CFAP69: variants seen among roughly 807,000 people sequenced by gnomAD.
The protein encoded by CFAP69 is cilia and flagella associated protein 69.
In CFAP69, 92 loss-of-function variants were observed where a neutral mutation model predicts 123.0. That is an observed-to-expected ratio of 0.75 (90% CI 0.63 to 0.89). The LOEUF is 0.89. CFAP69 is among the 40% of genes least tolerant of loss of function. The pLI is 0.00. For missense variants in CFAP69, 1,067 were observed against 1,096.9 expected (o/e 0.97, Z 0.39); for synonymous variants, 380 against 364.3 (o/e 1.04, Z -0.49).
At position 90,304,776 on chromosome 7, in the gene CFAP69, G is replaced by T. The variant is rs761752224; in HGVS notation, c.2221G>T (p.Asp741Tyr). 3 of 1,589,410 alleles carry T rather than the reference G, an allele frequency of 1.9e-6. No individual in the cohort carries two copies. In the South Asian group the frequency reaches 3.4e-5, roughly 18 times the overall value. ...AAATTTACCTGGCCTATCTGCTGAA[G>T]ATTTTGTCACCCTTTGTATCATACA... ...FENLPGLSAEDFVTLCIIHRY... is the reference protein window; with the variant it reads ...FENLPGLSAEYFVTLCIIHRY... Residue 741 changes from aspartate (D) to tyrosine (Y), a missense_variant, in exon 19 of 23, where the codon GAT (aspartate) becomes TAT (tyrosine). Physicochemically the swap from Asp to Tyr is radical, Grantham distance 160. Transcript: ENST00000389297.
At chr7:90,313,628 T>A (rs192190501), downstream of CFAP69, among the ~76,000 whole-genome samples, 28 of 152,274 alleles carry the variant, frequency 1.8e-4, no homozygotes, top group East Asian at 5.2e-3. Flanking sequence ...AACAAATCAA[T>A]AATGTAGTGT....
Position 90,245,451 on chromosome 7 carries a change from C to T in CFAP69, c.27C>T (p.Thr9=). 6.4e-7 allele frequency: 1 copy of T among 1,557,106 alleles called. No homozygotes were observed. Among genetic ancestry groups the T allele is most frequent in the Non-Finnish European group, 8.7e-7 (1 of 1,154,042 alleles). The change falls in exon 1 of 23, where the codon ACC becomes ACT. Residue 9 remains threonine, a synonymous_variant. Transcript: ENST00000389297. The stretch of plus-strand genomic sequence containing the variant: ...TGTGGACAGAGGAAGCCGGGGCGAC[C>T]GCCGAGGCCCAGGAATCCGGCATCA... The part of the protein sequence containing the change: MWTEEAGA[T]AEAQESGIRN...
intron 15 of CFAP69, among the ~76,000 whole-genome samples, chr7:90,291,656 C>T (rs1305440744): frequency 6.6e-6 from 1 of 151,970 alleles, no homozygotes; most frequent in Admixed American, 6.6e-5. Context: ...GATTAAGATC[C>T]GTCTTCTGTA....
rs12669410 is a variant in CFAP69 at position 90,265,524 on chromosome 7, C to T, written c.433+147C>T. On this transcript the variant is annotated intron_variant, in intron 5 of 22. Coordinates refer to ENST00000389297, the MANE Select transcript of CFAP69 (RefSeq NM_001039706.3). ...TTGTTAGTGAATTAATCACAGTGTGCTTGGTGATAATTCTGGTATTGTATT... is the reference window on the plus strand; with the variant it reads ...TTGTTAGTGAATTAATCACAGTGTGTTTGGTGATAATTCTGGTATTGTATT... The T allele has an allele frequency of 2.2e-3, 1,240 of 556,436 alleles. 21 individuals are homozygous for T. The East Asian group carries it at 0.032, about 14-fold the overall frequency. 34.5% of individuals were successfully genotyped at this position (556,436 alleles called of 1,614,324 possible).
intron 17 of CFAP69, chr7:90,301,900 A>G (rs1378196215): frequency 2.0e-5 from 3 of 152,204 alleles, no homozygotes; most frequent in East Asian, 1.9e-4. Context: ...AGGAATTGCC[A>G]CACTGCTTTC....
chr7:90,303,286 C>A (rs1458494603), intron 17 of CFAP69: 2 of 151,480 alleles, frequency 1.3e-5, no homozygotes, highest in Non-Finnish European at 2.9e-5. Context: ...GACTTCCCCT[C>A]TTCCTGTTTG....
chr7:90,267,798 A>G (rs1020840463), intron 5 of CFAP69, among the ~76,000 whole-genome samples: 1 of 152,236 alleles, frequency 6.6e-6, no homozygotes, highest in African/African-American at 2.4e-5. Context: ...ATATCTTGTC[A>G]AAATAATAAT....
Position 90,245,530 on chromosome 7 carries a change from G to A in CFAP69, c.106G>A (p.Asp36Asn). 1 of 1,514,358 alleles carries A rather than the reference G, an allele frequency of 6.6e-7. No individual in the cohort carries two copies. Among genetic ancestry groups the A allele is most frequent in the Non-Finnish European group, 8.8e-7 (1 of 1,133,914 alleles). The allele number at this position is 1,514,358 out of a possible 1,614,324, so 93.8% of individuals were successfully genotyped here. Residue 36 changes from aspartate (D) to asparagine (N), a missense_variant, in exon 1 of 23, where the codon GAC becomes AAC. Asp to Asn is a conservative substitution (Grantham distance 23). Coordinates refer to ENST00000389297, the MANE Select transcript of CFAP69 (RefSeq NM_001039706.3). Reference protein sequence around the residue: ...QIPVVGVVTEDDEAQDVFKPM... With the variant: ...QIPVVGVVTENDEAQDVFKPM... ...CCCGGTGGTTGGGGTGGTGACGGAG[G>A]ACGATGAGGCGCAGGTATGAGCAGG...
intron 3 of CFAP69, 135 bp downstream of exon 3, chr7:90,258,298 T>G (rs369597372): frequency 4.7e-5 from 31 of 659,984 alleles, no homozygotes; most frequent in East Asian, 3.6e-4. Flanking sequence ...CATAAAGTTA[T>G]TATCATACAG....
intron 9 of CFAP69, among the ~76,000 whole-genome samples, chr7:90,276,360 T>A (rs1308256053): frequency 6.6e-6 from 1 of 152,222 alleles, no homozygotes; most frequent in Non-Finnish European, 1.5e-5. Context: ...ATTAGTGTCC[T>A]TGCAAACATT....
chr7:90,262,114 C>T (rs890640311), intron 4 of CFAP69, 58 bp downstream of exon 4: 30 of 1,111,864 alleles, frequency 2.7e-5, no homozygotes, highest in Non-Finnish European at 3.8e-5. Flanking sequence ...TATTATGTTT[C>T]TTATATCACA....
chr7:90,271,602 A>G lies in CFAP69; in HGVS notation c.609A>G (p.Ser203=), dbSNP rs773733609. 3 of 1,613,644 alleles carry G rather than the reference A, an allele frequency of 1.9e-6. No individual in the cohort carries two copies. Among genetic ancestry groups the G allele is most frequent in the African/African-American group, 2.7e-5 (2 of 75,034 alleles). ...GATTAGCAAAAACAATGGTCCAGTC[A>G]ATGACCTTGCTTGAAAATCAACTTG... The part of the protein sequence containing the change: ...VGGLAKTMVQ[S]MTLLENQLVE... The change falls in exon 7 of 23, where the codon TCA becomes TCG. Residue 203 remains serine, a synonymous_variant. Coordinates refer to ENST00000389297, the MANE Select transcript of CFAP69 (RefSeq NM_001039706.3).
chr7:90,255,263 C>A (rs1797505794), intron 1 of CFAP69, among the ~76,000 whole-genome samples, 160 bp from the exon 2 acceptor site: 1 of 152,136 alleles, frequency 6.6e-6, no homozygotes, highest in African/African-American at 2.4e-5. Flanking sequence ...TCTATTTATT[C>A]CTGTGAGTTT....
At chr7:90,266,547 A>G (rs2116842655) in intron 5 of CFAP69, among the ~76,000 whole-genome samples, 3 of 152,278 alleles carry the variant, frequency 2.0e-5, no homozygotes, top group Admixed American at 2.0e-4. Flanking sequence ...ATTGCTTCCA[A>G]GAGTGTTGAC....
intron 17 of CFAP69, chr7:90,300,918 T>C (rs753078513): frequency 6.6e-6 from 1 of 152,276 alleles, no homozygotes; most frequent in Non-Finnish European, 1.5e-5. Context: ...CTGCCAAGTG[T>C]TGGGATTATA....
At chr7:90,303,844 A>G (rs1211155522) in intron 17 of CFAP69, 125 bp from the exon 18 acceptor site, 1 of 1,296,690 alleles carries the variant, frequency 7.7e-7, no homozygotes, top group Non-Finnish European at 9.9e-7. Context: ...TGTAATAGGC[A>G]CTATTTTTTT....
chr7:90,309,425 CA>C, intron 22 of CFAP69, 58 bp downstream of exon 22: 1 of 967,838 alleles, frequency 1.0e-6, no homozygotes, highest in Non-Finnish European at 1.5e-6. Context: ...AGTGTTTGAA[CA>C]ACTGTGCAAA....
intron 1 of CFAP69, among the ~76,000 whole-genome samples, chr7:90,247,205 T>C (rs1029901576): frequency 1.3e-5 from 2 of 152,240 alleles, no homozygotes; most frequent in Non-Finnish European, 2.9e-5. Context: ...CCTAAGTTCA[T>C]GAGAAGTTAA....
chr7:90,273,914 A>G (rs1260338752), intron 8 of CFAP69, 73 bp from the exon 9 acceptor site: 1 of 1,159,970 alleles, frequency 8.6e-7, no homozygotes, highest in Non-Finnish European at 1.2e-6. Flanking sequence ...GGATTTAAAT[A>G]TATGAATTTT....
Sources: allele counts gnomAD v4.1 joint callset (sites outside exome capture counted in the v4.1 genomes callset), GRCh38; gene constraint gnomAD v4.1.1; transcripts MANE v1.5; gene names NCBI Gene and HGNC (gene_info 2026-07-23, HGNC 2026-07-21).